Variants in DPP6 observed in about 807,000 individuals in gnomAD.
The protein encoded by DPP6 is A-type potassium channel modulatory protein DPP6.
A neutral mutation model predicts 122.6 loss-of-function variants in DPP6; 69 were observed. The observed-to-expected ratio is 0.56, with a 90% CI of 0.46 to 0.69. DPP6 has a LOEUF of 0.69. Ranked by LOEUF, DPP6 falls within the 30% of genes least tolerant of loss-of-function variation. The pLI is 0.00. For synonymous variants in DPP6, 418 were observed against 433.1 expected, an observed-to-expected ratio of 0.97 and a Z score of 0.43; for missense variants, 928 against 1,116.9, an observed-to-expected ratio of 0.83 and a Z score of 2.41.
rs538241508 is a variant in DPP6, at chr7:154,742,491, T to G, written c.883+14604T>G. On this transcript the variant is annotated intron_variant, in intron 8 of 25. Transcript: ENST00000377770. The stretch of plus-strand genomic sequence containing the variant: ...ATGCATTAACTCAAGAGTTCATTCC[T>G]AAAATCCAAATTTCCTTCTCTGGAG... 4.6e-5 allele frequency among the ~76,000 whole-genome samples: 7 copies of G among 152,364 alleles called. No individual in the cohort carries two copies. The South Asian group carries it at 1.5e-3, about 32-fold the overall frequency.
chr7:153,951,142 C>T (rs983876078), intron 1 of DPP6, among the ~76,000 whole-genome samples: 3 of 152,146 alleles, frequency 2.0e-5, no homozygotes, highest in Non-Finnish European at 4.4e-5. Context: ...TGTCTATCCA[C>T]TGCACTTTGG....
At position 154,813,315 on chromosome 7, in the gene DPP6, C is replaced by T. The variant is rs539692371; in HGVS notation, c.1666+6203C>T. ...AGCCAGGATGGTCTCAATCTCCTGA[C>T]CTTGTGATCTGCCCACCTCGGCCTC... On this transcript the variant is annotated intron_variant, in intron 16 of 25. Coordinates refer to ENST00000377770, the MANE Select transcript of DPP6 (RefSeq NM_130797.4). Among the ~76,000 whole-genome samples, 610 of 152,088 alleles carry T rather than the reference C, an allele frequency of 4.0e-3. 3 individuals carry two copies. The highest frequency in any genetic ancestry group is 0.014 in the African/African-American group (586 of 41,472).
chr7:154,184,077 A>G (rs1798233439), intron 1 of DPP6, among the ~76,000 whole-genome samples: 1 of 152,090 alleles, frequency 6.6e-6, no homozygotes, highest in Admixed American at 6.6e-5. Flanking sequence ...ACAAACATGG[A>G]TAGGAAGCCC....
intron 5 of DPP6, among the ~76,000 whole-genome samples, chr7:154,597,447 G>GA (rs977765375): frequency 5.3e-5 from 8 of 151,774 alleles, no homozygotes; most frequent in African/African-American, 1.2e-4. Context: ...ACTAAAAAAA[G>GA]AAAAAAATAC....
Position 154,134,758 on chromosome 7 carries a change from C to T in DPP6, c.243+81695C>T, listed in dbSNP as rs932105427. On this transcript the variant is annotated intron_variant, in intron 1 of 25. Coordinates refer to ENST00000377770, the MANE Select transcript of DPP6 (RefSeq NM_130797.4). ...GCTTACACTTCTTGTGAGTGAACAC[C>T]TCCTATGAGCCCACATTTCCTGTGA... Among the ~76,000 whole-genome samples the T allele has an allele frequency of 8.0e-5, 12 of 150,762 alleles. 1 individual carries two copies. The highest frequency in any genetic ancestry group is 3.3e-4 in the Admixed American group (5 of 15,158).
intron 1 of DPP6, among the ~76,000 whole-genome samples, chr7:154,024,279 A>T (rs1012396825): frequency 6.6e-6 from 1 of 152,236 alleles, no homozygotes; most frequent in African/African-American, 2.4e-5. Flanking sequence ...AGATATAGTT[A>T]TATGTGAGCA....
chr7:154,440,942 G>T (rs1424187177), intron 1 of DPP6, among the ~76,000 whole-genome samples: 1 of 152,164 alleles, frequency 6.6e-6, no homozygotes, highest in African/African-American at 2.4e-5. Flanking sequence ...AGGAGGCTTT[G>T]GTTGATCGTG....
In DPP6 at chr7:154,868,215, T is replaced by G. The variant is rs116663033; in HGVS notation, c.1813+122T>G. On this transcript the variant is annotated intron_variant, in intron 18 of 25. Coordinates refer to ENST00000377770, the MANE Select transcript of DPP6 (RefSeq NM_130797.4). Reference sequence around the variant, plus strand: ...ACTCCCCAAGCACGGGGGTGTATCTTTGCCCCTCAGCTCCTCTGGCATGGA... The same window carrying G: ...ACTCCCCAAGCACGGGGGTGTATCTGTGCCCCTCAGCTCCTCTGGCATGGA... The G allele has an allele frequency of 9.3e-4, 1,221 of 1,312,258 alleles. 10 individuals are homozygous for G. The African/African-American group carries it at 0.015, about 16-fold the overall frequency. The allele number at this position is 1,312,258 out of a possible 1,614,324, so 81.3% of individuals were successfully genotyped here. A position where few individuals can be genotyped will look rare whatever the true frequency, so the allele number is the denominator to read the frequency against.
chr7:153,812,483 A>T, the DPP6 span, among the ~76,000 whole-genome samples: 2 of 152,060 alleles, frequency 1.3e-5, no homozygotes, highest in African/African-American at 4.8e-5. Context: ...CATGTGGCTA[A>T]ATTACAAACT....
In DPP6 at chr7:154,431,437, CTTTCCTTTCTTTTCTTTTCTTTTCT is replaced by C. The variant is rs1182549015; in HGVS notation, c.244-14772_244-14748del. On this transcript the variant is annotated intron_variant, in intron 1 of 25. Coordinates refer to ENST00000377770, the MANE Select transcript of DPP6 (RefSeq NM_130797.4). ...AAACCTCATGTCAGGCTCTGTTTTTCTTTCCTTTCTTTTCTTTTCTTTTCTTTTCTTTTCTTTTCTTTTCTTTTCT... is the reference window on the plus strand; with the variant it reads ...AAACCTCATGTCAGGCTCTGTTTTTCTTTCTTTTCTTTTCTTTTCTTTTCT... Among the ~76,000 whole-genome samples the C allele has an allele frequency of 1.4e-4, 12 of 87,464 alleles. No individual in the cohort carries two copies. The South Asian group carries it at 2.3e-3, about 17-fold the overall frequency. 57.4% of individuals were successfully genotyped at this position (87,464 alleles called of 152,430 possible).
chr7:154,268,012 C>T (rs1429047211), intron 1 of DPP6, among the ~76,000 whole-genome samples: 1 of 151,744 alleles, frequency 6.6e-6, no homozygotes, highest in Non-Finnish European at 1.5e-5. Flanking sequence ...TATATTTATC[C>T]CTTACGAACA....
intron 1 of DPP6, among the ~76,000 whole-genome samples, chr7:154,259,468 G>A (rs1224769088): frequency 6.6e-6 from 1 of 152,144 alleles, no homozygotes; most frequent in African/African-American, 2.4e-5. Flanking sequence ...GTTGCAAGAG[G>A]CAATTCCGGA....
chr7:154,321,265 A>C (rs1807926864), intron 1 of DPP6, among the ~76,000 whole-genome samples: 1 of 151,356 alleles, frequency 6.6e-6, no homozygotes, highest in African/African-American at 2.4e-5. Flanking sequence ...TGACAGAGCC[A>C]GACCCTGTCT....
At chr7:153,979,156 T>C (rs1585123383) in intron 1 of DPP6, among the ~76,000 whole-genome samples, 2 of 152,240 alleles carry the variant, frequency 1.3e-5, no homozygotes, top group East Asian at 3.9e-4. Flanking sequence ...TTTCACAATA[T>C]TGATTCTTCT....
intron 1 of DPP6, among the ~76,000 whole-genome samples, chr7:154,233,743 G>A (rs192137878): frequency 5.3e-5 from 8 of 152,310 alleles, no homozygotes; most frequent in South Asian, 2.1e-4. Context: ...GATCTCAGAC[G>A]TCTTGTCTCC....
intron 5 of DPP6, among the ~76,000 whole-genome samples, chr7:154,619,313 A>T (rs1445320274): frequency 6.6e-6 from 1 of 152,234 alleles, no homozygotes; most frequent in Admixed American, 6.5e-5. Flanking sequence ...CTTCAAATCA[A>T]CGTAAGCCTC....
At chr7:154,400,822 G>T (rs1390302740) in intron 1 of DPP6, among the ~76,000 whole-genome samples, 8 of 152,144 alleles carry the variant, frequency 5.3e-5, no homozygotes, top group Non-Finnish European at 1.0e-4. Context: ...TCCTCTTAAT[G>T]AAGACCTTTC....
At chr7:153,959,116 A>G (rs1001591885) in intron 1 of DPP6, among the ~76,000 whole-genome samples, 13 of 152,030 alleles carry the variant, frequency 8.6e-5, no homozygotes, top group Admixed American at 3.3e-4. Flanking sequence ...TTCCCATCCG[A>G]TGCTTCTGGT....
At chr7:154,582,904 C>CGG (rs990553942) in intron 5 of DPP6, among the ~76,000 whole-genome samples, 60 of 152,132 alleles carry the variant, frequency 3.9e-4, no homozygotes, top group African/African-American at 1.4e-3. Flanking sequence ...GTTATACCCC[C>CGG]GGGGGAAGGT....
Sources: allele counts gnomAD v4.1 joint callset (sites outside exome capture counted in the v4.1 genomes callset), GRCh38; gene constraint gnomAD v4.1.1; transcripts MANE v1.5; gene names NCBI Gene and HGNC (gene_info 2026-07-23, HGNC 2026-07-21).